SHANK1: variants seen among roughly 807,000 people sequenced by gnomAD.
The protein encoded by SHANK1 is SH3 and multiple ankyrin repeat domains protein 1.
A neutral mutation model predicts 165.6 loss-of-function variants in SHANK1; 35 were observed. That is an observed-to-expected ratio of 0.21 (90% CI 0.16 to 0.28). The LOEUF is 0.28. SHANK1 is among the 10% of genes least tolerant of loss of function. The pLI is 1.00. For missense variants in SHANK1, 2,681 were observed against 3,036.4 expected, an observed-to-expected ratio of 0.88 and a Z score of 2.75; for synonymous variants, 1,428 against 1,384.8, an observed-to-expected ratio of 1.03 and a Z score of -0.69.
chr19:50,670,602 C>T lies in SHANK1; in HGVS notation c.2675-1317G>A, dbSNP rs370170321. Among the ~76,000 whole-genome samples, 7 of 152,024 alleles carry T rather than the reference C, an allele frequency of 4.6e-5. No homozygotes were observed. Among genetic ancestry groups the T allele is most frequent in the East Asian group, 1.9e-4 (1 of 5,178 alleles). On this transcript the variant is annotated intron_variant, in intron 22 of 23. Coordinates refer to ENST00000293441, the MANE Select transcript of SHANK1 (RefSeq NM_016148.5). This position sits in a 1 kb window ranked among gnomAD's most constrained non-coding sequence, Gnocchi z 4.1. ...CATGACTCCCCAGACCCTGCAGGAT[C>T]GGGACCCTGTCCCCCCACTGCCCTC...
chr19:50,711,215 T>TGGATGGAG, intron 8 of SHANK1, 156 bp downstream of exon 8: 2 of 597,658 alleles, frequency 3.3e-6, no homozygotes, highest in Non-Finnish European at 3.0e-6. Flanking sequence ...GATGGATGGA[T>TGGATGGAG]GGAGGAATGA....
intron 5 of SHANK1, 104 bp from the exon 6 acceptor site, chr19:50,714,053 G>A (rs2089040701): frequency 3.2e-6 from 5 of 1,542,546 alleles, no homozygotes; most frequent in African/African-American, 1.4e-5. Flanking sequence ...CTCTGGCCCC[G>A]TGGCCTCCCC....
chr19:50,698,097 G>A (rs1400364551), intron 12 of SHANK1, 141 bp from the exon 13 acceptor site: 5 of 656,976 alleles, frequency 7.6e-6, no homozygotes, highest in Non-Finnish European at 1.4e-5. Flanking sequence ...AGGAAGGGGC[G>A]AGGAGCTTGG....
intron 8 of SHANK1, among the ~76,000 whole-genome samples, chr19:50,709,347 T>A (rs1326638051): frequency 6.6e-6 from 1 of 152,106 alleles, no homozygotes; most frequent in Admixed American, 6.5e-5. Context: ...TTCAGCGTGT[T>A]AGCCAGGATG....
In SHANK1 at chr19:50,664,286, C is replaced by T. The variant is rs74879679; in HGVS notation, c.5769-1604G>A. 3.1e-3 allele frequency among the ~76,000 whole-genome samples: 465 copies of T among 152,236 alleles called. 1 individual carries two copies. The highest frequency in any genetic ancestry group is 0.011 in the African/African-American group (442 of 41,526). ...GGATATTTAAAACCTGCTCCCAACC[C>T]TCTGTGTATCTGAAGCAGAAATGTA... is the stretch of plus-strand genomic sequence containing the variant. On this transcript the variant is annotated intron_variant, in intron 23 of 23. Coordinates refer to ENST00000293441, the MANE Select transcript of SHANK1 (RefSeq NM_016148.5).
Position 50,667,388 on chromosome 19 carries a change from G to T in SHANK1, c.4572C>A (p.Arg1524=). ...AGGTCGGGGAGGGGGGCACGGACCG[G>T]CGTGGGCTGGGCGGCGGGACCCCCG... is the stretch of plus-strand genomic sequence containing the variant. ...DGPGVPPPSP[R]RSVPPSPTSP... The change falls in exon 23 of 24, where the codon CGC becomes CGA. Residue 1524 remains arginine (R), a synonymous_variant. Transcript: ENST00000293441. The surrounding 1 kb of genome is among the most constrained non-coding windows in gnomAD (Gnocchi z 5.7). 6.5e-7 allele frequency: 1 copy of T among 1,528,368 alleles called. No homozygotes were observed. Among genetic ancestry groups the T allele is most frequent in the South Asian group, 1.3e-5 (1 of 79,392 alleles). 94.7% of individuals were successfully genotyped at this position (1,528,368 alleles called of 1,614,324 possible). A position where few individuals can be genotyped will look rare whatever the true frequency, so the allele number is the denominator to read the frequency against.
chr19:50,708,796 TTCAC>T (rs1191019852), intron 8 of SHANK1, among the ~76,000 whole-genome samples: 2 of 152,316 alleles, frequency 1.3e-5, no homozygotes, highest in Non-Finnish European at 2.9e-5. Flanking sequence ...CATTCATTCA[TTCAC>T]TCACTCAACA....
At position 50,672,124 on chromosome 19, in the gene SHANK1, G is replaced by C. The variant is rs1237185797; in HGVS notation, c.2578-10C>G. 6.2e-7 allele frequency: 1 copy of C among 1,604,158 alleles called. No homozygotes were observed. Among genetic ancestry groups the C allele is most frequent in the Non-Finnish European group, 8.5e-7 (1 of 1,172,208 alleles). Reference sequence around the variant, plus strand: ...GGGGATCGAAGCTCGACTTTGGAGCGGCAGTCAGAGGGGGAGAGAGAGAAA... The same window carrying C: ...GGGGATCGAAGCTCGACTTTGGAGCCGCAGTCAGAGGGGGAGAGAGAGAAA... On this transcript the variant is annotated splice_polypyrimidine_tract_variant and intron_variant, in intron 21 of 23. Transcript: ENST00000293441.
At position 50,718,491 on chromosome 19, in the gene SHANK1, C is replaced by T. The variant is rs1408273635; in HGVS notation, c.-44+915G>A. Among the ~76,000 whole-genome samples the T allele has an allele frequency of 3.9e-5, 6 of 152,190 alleles. No individual in the cohort carries two copies. Among genetic ancestry groups the T allele is most frequent in the Non-Finnish European group, 7.4e-5 (5 of 67,960 alleles). ...TACGGCTGCCCCAGCCCCCCCGGGC[C>T]GGCTCCGGCCCCTCCCCCTCAGGGC... On this transcript the variant is annotated intron_variant, in intron 1 of 23. Transcript: ENST00000293441. The surrounding 1 kb of genome is among the most constrained non-coding windows in gnomAD (Gnocchi z 5.1).
At chr19:50,711,249 G>C in intron 8 of SHANK1, 122 bp downstream of exon 8, 1 of 630,892 alleles carries the variant, frequency 1.6e-6, no homozygotes, top group African/African-American at 1.8e-5. Flanking sequence ...TGGATGAAAG[G>C]GTGGAAATAG....
At chr19:50,694,995 G>A (rs867668736) in intron 15 of SHANK1, among the ~76,000 whole-genome samples, 2 of 148,938 alleles carry the variant, frequency 1.3e-5, no homozygotes, top group Non-Finnish European at 3.0e-5. Context: ...AGCTCCCACC[G>A]GGGCCGCCCC....
intron 8 of SHANK1, among the ~76,000 whole-genome samples, chr19:50,709,848 G>A (rs1384488270): frequency 6.6e-6 from 1 of 152,202 alleles, no homozygotes; most frequent in Non-Finnish European, 1.5e-5. Flanking sequence ...ACCGTGCCTG[G>A]TCTAATTCTC....
chr19:50,688,041 C>G lies in SHANK1; in HGVS notation c.2190G>C (p.Val730=), dbSNP rs1034960717. The G allele has an allele frequency of 1.2e-5, 20 of 1,613,958 alleles. No individual in the cohort carries two copies. Among genetic ancestry groups the G allele is most frequent in the Non-Finnish European group, 1.7e-5 (20 of 1,180,006 alleles). The change falls in exon 18 of 24, where the codon GTG becomes GTC. Residue 730 remains valine, a synonymous_variant. Transcript: ENST00000293441. The surrounding 1 kb of genome is among the most constrained non-coding windows in gnomAD (Gnocchi z 6.7). Reference sequence around the variant, plus strand: ...CCACCTGTCGGTGGCCGACCTTCACCACATTCTGCCCGTTCACCTGTGGCA... The same window carrying G: ...CCACCTGTCGGTGGCCGACCTTCACGACATTCTGCCCGTTCACCTGTGGCA... ...DFLIEVNGQN[V]VKVGHRQVVN... is the part of the protein sequence containing the mutation.
At chr19:50,685,479 T>C (rs959779072) in intron 21 of SHANK1, among the ~76,000 whole-genome samples, 1 of 152,178 alleles carries the variant, frequency 6.6e-6, no homozygotes, top group African/African-American at 2.4e-5. Flanking sequence ...ATCCCGGCAC[T>C]TTGGAGGGCT....
rs1378699239 is a variant in SHANK1, at chr19:50,704,162, C to T, written c.1180G>A (p.Glu394Lys). 1 of 1,613,686 alleles carries T rather than the reference C, an allele frequency of 6.2e-7. No homozygotes were observed. Among genetic ancestry groups the T allele is most frequent in the Non-Finnish European group, 8.5e-7 (1 of 1,179,912 alleles). Residue 394 changes from glutamate to lysine, a missense_variant, in exon 10 of 24, where the codon GAG becomes AAG. Glu to Lys is a moderately conservative substitution (Grantham distance 56). Around this residue, in one of 10 missense-constraint regions of SHANK1, gnomAD observed 189 missense variants for 440.9 expected, o/e 0.43. Coordinates refer to ENST00000293441, the MANE Select transcript of SHANK1 (RefSeq NM_016148.5). ...TGGTTTCGGATCAGCTCCCCCAGCTCAAAATTCCCAGCAATCACTGCCACC... is the reference window on the plus strand; with the variant it reads ...TGGTTTCGGATCAGCTCCCCCAGCTTAAAATTCCCAGCAATCACTGCCACC... ...FQVAVIAGNF[E>K]LGELIRNHRE...
chr19:50,697,673 TGA>T lies in SHANK1; in HGVS notation c.1862-11_1862-10del, dbSNP rs748679503. The T allele has an allele frequency of 1.2e-6, 2 of 1,613,488 alleles. No individual in the cohort carries two copies. The highest frequency in any genetic ancestry group is 1.7e-6 in the Non-Finnish European group (2 of 1,179,650). ...CTTGTCACTGCGGCTTTCTGCAGGG[TGA>T]CAACAGACAACCTTGGACTCTTGTT... is the stretch of plus-strand genomic sequence containing the variant. On this transcript the variant is annotated splice_polypyrimidine_tract_variant and intron_variant, in intron 13 of 23. Transcript: ENST00000293441. The surrounding 1 kb of genome is among the most constrained non-coding windows in gnomAD (Gnocchi z 4.7).
At chr19:50,709,474 C>T (rs993219120) in intron 8 of SHANK1, among the ~76,000 whole-genome samples, 16 of 152,104 alleles carry the variant, frequency 1.1e-4, no homozygotes, top group African/African-American at 3.6e-4. Context: ...ACCCATTTCA[C>T]AGCTGAGAAA....
At position 50,686,480 on chromosome 19, in the gene SHANK1, G is replaced by T; in HGVS notation, c.2459-125C>A. ...CACCTGGATCAACCAGGAAAGGGCA[G>T]CCCTGCCTGGGTCCGGGTGGACGGG... On this transcript the variant is annotated intron_variant, in intron 20 of 23. Coordinates refer to ENST00000293441, the MANE Select transcript of SHANK1 (RefSeq NM_016148.5). The surrounding 1 kb of genome is among the most constrained non-coding windows in gnomAD (Gnocchi z 5.7). 1 of 788,250 alleles carries T rather than the reference G, an allele frequency of 1.3e-6. No individual in the cohort carries two copies. Among genetic ancestry groups the T allele is most frequent in the Non-Finnish European group, 2.1e-6 (1 of 481,430 alleles). 48.8% of individuals were successfully genotyped at this position (788,250 alleles called of 1,614,324 possible). A position where few individuals can be genotyped will look rare whatever the true frequency, so the allele number is the denominator to read the frequency against.
In SHANK1 at chr19:50,717,577, G is replaced by T. The variant is rs1366936552; in HGVS notation, c.-43-615C>A. Among the ~76,000 whole-genome samples the T allele has an allele frequency of 1.3e-5, 2 of 152,214 alleles. No homozygotes were observed. Among genetic ancestry groups the T allele is most frequent in the Admixed American group, 6.5e-5 (1 of 15,282 alleles). On this transcript the variant is annotated intron_variant, in intron 1 of 23. Coordinates refer to ENST00000293441, the MANE Select transcript of SHANK1 (RefSeq NM_016148.5). This position sits in a 1 kb window ranked among gnomAD's most constrained non-coding sequence, Gnocchi z 5.5. ...ATCTGCCGTCCCAGGGGAGCAAGGG[G>T]CACTGAGATGGGGGTGTCATGGGCA... is the stretch of plus-strand genomic sequence containing the variant.
Sources: allele counts gnomAD v4.1 joint callset (sites outside exome capture counted in the v4.1 genomes callset), GRCh38; gene constraint gnomAD v4.1.1; regional missense constraint gnomAD v4.1.1; non-coding constraint Gnocchi (gnomAD v3.1); transcripts MANE v1.5; gene names NCBI Gene and HGNC (gene_info 2026-07-23, HGNC 2026-07-21).